Variants in HNF4G observed in about 807,000 individuals in gnomAD.
HNF4G encodes the protein hepatocyte nuclear factor 4 gamma, also known as hepatocyte nuclear factor 4-gamma.
A neutral mutation model predicts 50.9 loss-of-function variants in HNF4G; 21 were observed. That is an observed-to-expected ratio of 0.41 (90% CI 0.29 to 0.59). HNF4G has a LOEUF of 0.59. HNF4G is among the 20% of genes least tolerant of loss of function. The pLI is 0.26. For missense variants in HNF4G, 527 were observed against 559.4 expected, an observed-to-expected ratio of 0.94 and a Z score of 0.58; for synonymous variants, 198 against 185.6, an observed-to-expected ratio of 1.07 and a Z score of -0.54.
intron 1 of HNF4G, among the ~76,000 whole-genome samples, chr8:75,438,762 G>T (rs190051736): frequency 6.6e-6 from 1 of 151,774 alleles, no homozygotes; most frequent in Non-Finnish European, 1.5e-5. Context: ...TCACACTCTC[G>T]TTATCTCTTC....
intron 2 of HNF4G, among the ~76,000 whole-genome samples, chr8:75,507,213 C>G (rs916932585): frequency 4.6e-5 from 7 of 150,914 alleles, no homozygotes; most frequent in African/African-American, 1.7e-4. Context: ...ATCTCTATCT[C>G]TATATAGCGA....
intron 2 of HNF4G, among the ~76,000 whole-genome samples, chr8:75,505,895 CTGTT>C (rs1813066359): frequency 2.0e-5 from 3 of 151,978 alleles, no homozygotes; most frequent in Non-Finnish European, 4.4e-5. Flanking sequence ...CCTTGACAGT[CTGTT>C]TGTAATAACT....
intron 1 of HNF4G, among the ~76,000 whole-genome samples, chr8:75,419,664 A>G (rs1810733498): frequency 6.6e-6 from 1 of 152,238 alleles, no homozygotes; most frequent in Admixed American, 6.5e-5. Context: ...TACAAGCTCC[A>G]TGATTCACGC....
chr8:75,563,317 CATTCA>C (rs914078925), intron 9 of HNF4G, among the ~76,000 whole-genome samples: 6 of 151,960 alleles, frequency 3.9e-5, no homozygotes, highest in African/African-American at 9.6e-5. Flanking sequence ...TAACTTTTTA[CATTCA>C]ATTCAATTTT....
chr8:75,448,453 C>G (rs1348329773), intron 1 of HNF4G, among the ~76,000 whole-genome samples: 6 of 59,144 alleles, frequency 1.0e-4, no homozygotes, highest in African/African-American at 3.9e-4. Flanking sequence ...AAGTGTCAGA[C>G]ATGATACAAG....
intron 1 of HNF4G, among the ~76,000 whole-genome samples, chr8:75,409,933 G>A (rs557787768): frequency 1.3e-5 from 2 of 152,104 alleles, no homozygotes; most frequent in South Asian, 4.2e-4. Flanking sequence ...TGATGTTTGG[G>A]TTTGTGTTTC....
At chr8:75,439,305 A>G (rs1811216605) in intron 1 of HNF4G, among the ~76,000 whole-genome samples, 2 of 152,160 alleles carry the variant, frequency 1.3e-5, no homozygotes, top group African/African-American at 4.8e-5. Context: ...ATCTCCATCC[A>G]TAACCTATTT....
At chr8:75,485,516 TTA>T (rs2130668037) in intron 1 of HNF4G, among the ~76,000 whole-genome samples, 1 of 93,114 alleles carries the variant, frequency 1.1e-5, no homozygotes, top group East Asian at 3.3e-4. Context: ...AAACTGTTAA[TTA>T]AAGTTTTGAG....
intron 2 of HNF4G, among the ~76,000 whole-genome samples, chr8:75,493,884 C>T (rs1355268342): frequency 6.6e-6 from 1 of 152,090 alleles, no homozygotes; most frequent in Non-Finnish European, 1.5e-5. Flanking sequence ...ATTGGGGGTA[C>T]ATTTTCTTTA....
chr8:75,453,637 G>GT (rs1457194523), intron 1 of HNF4G, among the ~76,000 whole-genome samples: 1 of 151,912 alleles, frequency 6.6e-6, no homozygotes, highest in Non-Finnish European at 1.5e-5. Flanking sequence ...TTTAAGAGCT[G>GT]TAACACTCAC....
At chr8:75,453,259 T>C (rs569712210) in intron 1 of HNF4G, among the ~76,000 whole-genome samples, 19 of 152,332 alleles carry the variant, frequency 1.2e-4, no homozygotes, top group African/African-American at 2.6e-4. Context: ...TGGAGAACTT[T>C]TCTGTCTAGC....
At chr8:75,551,010 T>G (rs1585948692) in intron 3 of HNF4G, among the ~76,000 whole-genome samples, 1 of 152,198 alleles carries the variant, frequency 6.6e-6, no homozygotes, top group African/African-American at 2.4e-5. Flanking sequence ...TATTTTCTGA[T>G]AGTGAATACA....
chr8:75,421,523 T>C (rs1174002640), intron 1 of HNF4G, among the ~76,000 whole-genome samples: 2 of 152,220 alleles, frequency 1.3e-5, no homozygotes, highest in African/African-American at 4.8e-5. Flanking sequence ...ATCTTAATTA[T>C]GTTTGAAGAT....
chr8:75,553,447 C>T (rs1391318539), intron 5 of HNF4G, among the ~76,000 whole-genome samples: 1 of 152,030 alleles, frequency 6.6e-6, no homozygotes, highest in Non-Finnish European at 1.5e-5. Context: ...CTCCTCTGCC[C>T]TTTTGGAATT....
At chr8:75,506,585 A>G (rs746129949) in intron 2 of HNF4G, among the ~76,000 whole-genome samples, 3 of 152,176 alleles carry the variant, frequency 2.0e-5, no homozygotes, top group Non-Finnish European at 4.4e-5. Context: ...TGATTACTAC[A>G]ATGTAATTCC....
intron 1 of HNF4G, among the ~76,000 whole-genome samples, chr8:75,469,224 T>G (rs1465801885): frequency 6.6e-6 from 1 of 152,152 alleles, no homozygotes; most frequent in African/African-American, 2.4e-5. Flanking sequence ...TTACATTATG[T>G]TCATTCGCAT....
chr8:75,520,203 T>C (rs1806002725), intron 2 of HNF4G, among the ~76,000 whole-genome samples: 1 of 152,074 alleles, frequency 6.6e-6, no homozygotes, highest in Non-Finnish European at 1.5e-5. Context: ...ACCATATAAT[T>C]GTTTGTATAA....
chr8:75,427,907 G>A (rs1042146705), intron 1 of HNF4G, among the ~76,000 whole-genome samples: 4 of 152,004 alleles, frequency 2.6e-5, no homozygotes, highest in African/African-American at 9.7e-5. Flanking sequence ...CTTTTCCTCA[G>A]GGTGCATCCT....
intron 2 of HNF4G, among the ~76,000 whole-genome samples, chr8:75,520,917 A>T (rs1174035180): frequency 6.6e-6 from 1 of 152,062 alleles, no homozygotes; most frequent in Non-Finnish European, 1.5e-5. Context: ...TAATAAACAG[A>T]TTATAAATAT....
Sources: gnomAD v4.1 joint callset for allele counts (sites outside exome capture counted in the v4.1 genomes callset) on GRCh38, gnomAD v4.1.1 for gene constraint, MANE v1.5 for transcripts, NCBI Gene and HGNC (gene_info 2026-07-23, HGNC 2026-07-21) for gene names.